Variants in SAMD4A observed in about 807,000 individuals in gnomAD.
The protein encoded by SAMD4A is protein Smaug homolog 1.
Under a neutral mutation model 81.3 loss-of-function variants are expected in SAMD4A, and 33 were observed. The observed-to-expected ratio is 0.41, with a 90% CI of 0.31 to 0.54. The LOEUF is 0.54. SAMD4A is among the 20% of genes least tolerant of loss of function. The probability of loss-of-function intolerance (pLI) is 0.37; values close to 1 mark genes in which losing one functional copy is unlikely to be tolerated. For synonymous variants in SAMD4A, 389 were observed against 382.1 expected, an observed-to-expected ratio of 1.02 and a Z score of -0.21; for missense variants, 854 against 951.1, an observed-to-expected ratio of 0.90 and a Z score of 1.34.
At chr14:54,620,014 C>T (rs2034578252) in intron 2 of SAMD4A, among the ~76,000 whole-genome samples, 1 of 151,442 alleles carries the variant, frequency 6.6e-6, no homozygotes, top group Admixed American at 6.6e-5. Context: ...ATCTAGATGA[C>T]CTTAAATTTA....
intron 9 of SAMD4A, among the ~76,000 whole-genome samples, chr14:54,772,331 T>A (rs1269884018): frequency 2.6e-5 from 4 of 152,244 alleles, no homozygotes; most frequent in Admixed American, 6.5e-5. Context: ...AAAGCATTGA[T>A]GATTTCATTA....
At chr14:54,784,266 C>T (rs566080464) in intron 11 of SAMD4A, 126 of 1,215,278 alleles carry the variant, frequency 1.0e-4, no homozygotes, top group South Asian at 5.6e-4. Flanking sequence ...GATGGGAGGC[C>T]GCTGGAGGGT....
intron 2 of SAMD4A, among the ~76,000 whole-genome samples, chr14:54,647,580 A>G (rs1207818270): frequency 6.6e-6 from 1 of 152,240 alleles, no homozygotes; most frequent in Non-Finnish European, 1.5e-5. Flanking sequence ...CTCATGCATA[A>G]CAGCTGAGCA....
At chr14:54,627,523 T>C (rs968164563) in intron 2 of SAMD4A, among the ~76,000 whole-genome samples, 1 of 152,246 alleles carries the variant, frequency 6.6e-6, no homozygotes, top group African/African-American at 2.4e-5. Flanking sequence ...TTCAGATAGA[T>C]TCCTTAGAAG....
intron 4 of SAMD4A, among the ~76,000 whole-genome samples, chr14:54,737,549 T>C (rs2037730035): frequency 7.1e-6 from 1 of 141,362 alleles, no homozygotes; most frequent in East Asian, 2.1e-4. Context: ...TCTCTTTTTT[T>C]TTTTTTTTTT....
At position 54,567,993 on chromosome 14, in the gene SAMD4A, T is replaced by C; in HGVS notation, c.77T>C (p.Leu26Pro). Residue 26 changes from leucine to proline, a missense_variant, in exon 2 of 13, where the codon CTG becomes CCG. Transcript: ENST00000554335. Reference sequence around the variant, plus strand: ...AACGAGTGCGAGCAGACTGTTGCGCTGCTGTCGCTGCTCAAGCGCGTGAGC... The same window carrying C: ...AACGAGTGCGAGCAGACTGTTGCGCCGCTGTCGCTGCTCAAGCGCGTGAGC... ...GWNECEQTVA[L>P]LSLLKRVSQT... 1 of 1,609,404 alleles carries C rather than the reference T, an allele frequency of 6.2e-7. No homozygotes were observed. Among genetic ancestry groups the C allele is most frequent in the Non-Finnish European group, 8.5e-7 (1 of 1,179,570 alleles).
intron 2 of SAMD4A, among the ~76,000 whole-genome samples, chr14:54,623,925 AACAG>A (rs1384370070): frequency 6.6e-6 from 1 of 152,230 alleles, no homozygotes; most frequent in African/African-American, 2.4e-5. Flanking sequence ...GGGACAATCT[AACAG>A]ACAGTATCTG....
At chr14:54,783,736 C>T (rs949160383) in intron 11 of SAMD4A, among the ~76,000 whole-genome samples, 1 of 152,168 alleles carries the variant, frequency 6.6e-6, no homozygotes, top group African/African-American at 2.4e-5. Flanking sequence ...CTCTCTGAAC[C>T]CCACTTGGGC....
At chr14:54,699,321 G>A (rs2036654434) in intron 2 of SAMD4A, among the ~76,000 whole-genome samples, 1 of 152,218 alleles carries the variant, frequency 6.6e-6, no homozygotes, top group African/African-American at 2.4e-5. Context: ...CTAGTGGAAT[G>A]TGTGAGAGTT....
At chr14:54,669,019 A>G (rs949802141) in intron 2 of SAMD4A, among the ~76,000 whole-genome samples, 1 of 152,252 alleles carries the variant, frequency 6.6e-6, no homozygotes, top group Admixed American at 6.5e-5. Context: ...AGCAGAGGAC[A>G]TTTAGGTTAG....
chr14:54,787,908 G>A (rs1291795692), intron 12 of SAMD4A, among the ~76,000 whole-genome samples: 2 of 152,176 alleles, frequency 1.3e-5, no homozygotes, highest in East Asian at 3.8e-4. Context: ...TTCATGGTAT[G>A]CAAGACCCTA....
At chr14:54,638,420 A>C (rs2035088713) in intron 2 of SAMD4A, among the ~76,000 whole-genome samples, 2 of 152,214 alleles carry the variant, frequency 1.3e-5, no homozygotes, top group African/African-American at 4.8e-5. Context: ...GAATTCTAGA[A>C]TATTGGCATT....
At chr14:54,708,974 A>G (rs1448827963) in intron 3 of SAMD4A, among the ~76,000 whole-genome samples, 1 of 152,134 alleles carries the variant, frequency 6.6e-6, no homozygotes, top group Non-Finnish European at 1.5e-5. Context: ...TGATGTTTAG[A>G]AGGCATTAAA....
At chr14:54,638,630 A>C (rs1385256684) in intron 2 of SAMD4A, among the ~76,000 whole-genome samples, 2 of 152,242 alleles carry the variant, frequency 1.3e-5, no homozygotes, top group East Asian at 3.8e-4. Context: ...ATTTGTCTAT[A>C]AGTAAAACCG....
chr14:54,618,599 C>T (rs2034544828), intron 2 of SAMD4A, among the ~76,000 whole-genome samples: 1 of 152,168 alleles, frequency 6.6e-6, no homozygotes, highest in East Asian at 1.9e-4. Context: ...ATAAATATGT[C>T]TTTGAGTATA....
rs368123961 is a variant in SAMD4A at position 54,647,206 on chromosome 14, A to G, written c.197-54856A>G. Among the ~76,000 whole-genome samples, 5 of 152,350 alleles carry G rather than the reference A, an allele frequency of 3.3e-5. No individual in the cohort carries two copies. The South Asian group carries it at 1.0e-3, about 32-fold the overall frequency. ...TTTAAATGTTTGATACGTTATTATC[A>G]TCATCAACTAATATTAATGAGTGGT... On this transcript the variant is annotated intron_variant, in intron 2 of 12. Transcript: ENST00000554335.
chr14:54,761,249 GCCCA>G (rs1438780166), intron 7 of SAMD4A, among the ~76,000 whole-genome samples: 1 of 152,170 alleles, frequency 6.6e-6, no homozygotes, highest in African/African-American at 2.4e-5. Flanking sequence ...AGGCTAATTA[GCCCA>G]CCTGAGCTTA....
intron 2 of SAMD4A, among the ~76,000 whole-genome samples, chr14:54,588,599 T>C (rs1453514195): frequency 6.6e-6 from 1 of 152,178 alleles, no homozygotes; most frequent in South Asian, 2.1e-4. Flanking sequence ...TTTTGTACAC[T>C]CTTTTCTACA....
chr14:54,764,310 C>G (rs2038480879), intron 7 of SAMD4A, 145 bp from the exon 8 acceptor site: 2 of 630,758 alleles, frequency 3.2e-6, no homozygotes, highest in Admixed American at 5.5e-5. Context: ...GAATGAGGAG[C>G]CTCTTGGCCT....
Sources: gnomAD v4.1 joint callset for allele counts (sites outside exome capture counted in the v4.1 genomes callset) on GRCh38, gnomAD v4.1.1 for gene constraint, MANE v1.5 for transcripts, NCBI Gene and HGNC (gene_info 2026-07-23, HGNC 2026-07-21) for gene names.